RORB: variants seen among roughly 807,000 people sequenced by gnomAD.
RORB encodes the protein nuclear receptor ROR-beta.
RORB carries 6 observed loss-of-function variants against 59.1 expected under a neutral mutation model. The observed-to-expected ratio is 0.10, with a 90% confidence interval of 0.06 to 0.20. RORB has a LOEUF of 0.20. Ranked by LOEUF, RORB falls within the 10% of genes least tolerant of loss-of-function variation. RORB has a pLI of 1.00. For synonymous variants in RORB, 215 were observed against 204.5 expected (o/e 1.05, Z -0.44); for missense variants, 320 against 560.5 (o/e 0.57, Z 4.33).
rs535475157 is a variant in RORB, at chr9:74,556,316, C to T, written c.7+58333C>T. ...GGCCTCTGCTGTAGGTCGTAGGACC[C>T]TCTGGGATGGTGAAAGAGTGTCATA... On this transcript the variant is annotated intron_variant, in intron 1 of 9. Coordinates refer to ENST00000376896, the MANE Select transcript of RORB (RefSeq NM_006914.4). 2.0e-5 allele frequency among the ~76,000 whole-genome samples: 3 copies of T among 152,288 alleles called. No individual in the cohort carries two copies. The South Asian group carries it at 6.2e-4, about 32-fold the overall frequency.
At chr9:74,636,691 C>T (rs139068877) in intron 3 of RORB, among the ~76,000 whole-genome samples, 205 of 149,432 alleles carry the variant, frequency 1.4e-3, no homozygotes, top group African/African-American at 4.7e-3. Flanking sequence ...CTGAGGCTGC[C>T]GGGGACATCT....
intron 1 of RORB, among the ~76,000 whole-genome samples, chr9:74,597,252 CA>C (rs1822982101): frequency 6.6e-6 from 1 of 152,140 alleles, no homozygotes; most frequent in African/African-American, 2.4e-5. Flanking sequence ...TTAGGATACC[CA>C]AGTTTTAGTC....
intron 3 of RORB, among the ~76,000 whole-genome samples, chr9:74,637,382 G>A (rs563993862): frequency 5.9e-5 from 9 of 152,100 alleles, no homozygotes; most frequent in Non-Finnish European, 8.8e-5. Flanking sequence ...ATTAGCTATC[G>A]AATATATCAG....
chr9:74,667,673 C>T (rs1370585700), intron 7 of RORB, 118 bp from the exon 8 acceptor site: 37 of 588,884 alleles, frequency 6.3e-5, no homozygotes, highest in Non-Finnish European at 1.0e-4. Context: ...AAAAAAATAT[C>T]TTTTCTAGAA....
intron 1 of RORB, among the ~76,000 whole-genome samples, chr9:74,572,967 C>T (rs1187841658): frequency 6.6e-6 from 1 of 152,142 alleles, no homozygotes; most frequent in East Asian, 1.9e-4. Flanking sequence ...TTTCACTCTT[C>T]AGAATCTTTT....
intron 1 of RORB, among the ~76,000 whole-genome samples, chr9:74,613,671 C>A (rs183173653): frequency 1.3e-5 from 2 of 152,148 alleles, no homozygotes; most frequent in African/African-American, 2.4e-5. Context: ...CCACTAAGTT[C>A]GGCTCTACCA....
At chr9:74,507,924 A>G (rs1397322084) in intron 1 of RORB, among the ~76,000 whole-genome samples, 2 of 152,156 alleles carry the variant, frequency 1.3e-5, no homozygotes, top group South Asian at 4.1e-4. Context: ...TTCAGGAAAA[A>G]CACATCATAT....
intron 1 of RORB, among the ~76,000 whole-genome samples, chr9:74,521,061 TC>T (rs1440284565): frequency 6.6e-6 from 1 of 151,902 alleles, no homozygotes; most frequent in Non-Finnish European, 1.5e-5. Context: ...CATAGCATCT[TC>T]CTGGTCTCTA....
chr9:74,666,817 T>C (rs1824276494), intron 7 of RORB, among the ~76,000 whole-genome samples: 1 of 152,190 alleles, frequency 6.6e-6, no homozygotes, highest in African/African-American at 2.4e-5. Flanking sequence ...AAGTGTTATA[T>C]ATCATCACAT....
chr9:74,588,585 T>C (rs1822841693), intron 1 of RORB, among the ~76,000 whole-genome samples: 1 of 152,216 alleles, frequency 6.6e-6, no homozygotes, highest in African/African-American at 2.4e-5. Context: ...TTCATTATGG[T>C]TGAGAATTCT....
intron 4 of RORB, among the ~76,000 whole-genome samples, chr9:74,657,828 A>C (rs1824109241): frequency 6.6e-6 from 1 of 151,984 alleles, no homozygotes; most frequent in African/African-American, 2.4e-5. Flanking sequence ...AAGGTGAGGA[A>C]ACCCTGTCTC....
intron 1 of RORB, among the ~76,000 whole-genome samples, chr9:74,556,922 A>T (rs1822302462): frequency 6.6e-6 from 1 of 152,128 alleles, no homozygotes; most frequent in African/African-American, 2.4e-5. Context: ...ATGTCAATAG[A>T]TTCTGGATGT....
At chr9:74,498,629 T>C (rs1328520828) in intron 1 of RORB, 2 of 152,446 alleles carry the variant, frequency 1.3e-5, no homozygotes, top group Admixed American at 6.5e-5. Context: ...CAGGTCCTCG[T>C]GCCCGAGCCC....
chr9:74,562,141 C>T (rs1822404925), intron 1 of RORB, among the ~76,000 whole-genome samples: 1 of 152,130 alleles, frequency 6.6e-6, no homozygotes, highest in African/African-American at 2.4e-5. Flanking sequence ...CACTAGTAAT[C>T]TTGACTTTGC....
At chr9:74,605,989 G>C (rs951087265) in intron 1 of RORB, among the ~76,000 whole-genome samples, 6 of 152,158 alleles carry the variant, frequency 3.9e-5, no homozygotes, top group Non-Finnish European at 7.4e-5. Flanking sequence ...TGGTACTGAT[G>C]CTACTCATTG....
rs1017340790 is a variant in RORB, at chr9:74,691,172, T to C, written c.*5554T>C. The C allele has an allele frequency of 1.3e-5, 2 of 152,238 alleles. No individual in the cohort carries two copies. Among genetic ancestry groups the C allele is most frequent in the African/African-American group, 2.4e-5 (1 of 41,456 alleles). The allele number at this position is 152,238 out of a possible 1,614,324, so 9.4% of individuals were successfully genotyped here. ...GTAATCTTTGCCTCCTGCGTGACTG[T>C]AAGCATGGCCTCCAGTGGATCAGAG... On this transcript the variant is annotated 3_prime_UTR_variant, in exon 10 of 10. Transcript: ENST00000376896.
At chr9:74,615,628 C>A (rs766709136) in intron 1 of RORB, 2 of 454,242 alleles carry the variant, frequency 4.4e-6, no homozygotes, top group Non-Finnish European at 8.9e-6. Context: ...AAAACTAAAG[C>A]TGACGCCACT....
At chr9:74,623,281 T>C (rs1823454349) in intron 1 of RORB, among the ~76,000 whole-genome samples, 1 of 152,162 alleles carries the variant, frequency 6.6e-6, no homozygotes, top group South Asian at 2.1e-4. Flanking sequence ...TACCAAACAT[T>C]GCTAGAATGC....
At chr9:74,498,384 T>G in intron 1 of RORB, 1 of 187,052 alleles carries the variant, frequency 5.3e-6, no homozygotes. Flanking sequence ...CCGGCCGGGT[T>G]TGGGCGCGCG....
Sources: allele counts gnomAD v4.1 joint callset (sites outside exome capture counted in the v4.1 genomes callset), GRCh38; gene constraint gnomAD v4.1.1; transcripts MANE v1.5; gene names NCBI Gene and HGNC (gene_info 2026-07-23, HGNC 2026-07-21).